SFMBT2: variants seen among roughly 807,000 people sequenced by gnomAD.
The protein encoded by SFMBT2 is scm-like with four MBT domains protein 2.
A neutral mutation model predicts 110.1 loss-of-function variants in SFMBT2; 38 were observed. The ratio of observed to expected loss-of-function variants is 0.35; its 90% CI spans 0.27 to 0.45. The LOEUF is 0.45. Among genes scored for constraint, SFMBT2 ranks in the 20% least tolerant of loss-of-function variants. SFMBT2 has a pLI of 1.00. For missense variants in SFMBT2, 1,011 were observed against 1,094.9 expected, an observed-to-expected ratio of 0.92 and a Z score of 1.08; for synonymous variants, 425 against 425.4, an observed-to-expected ratio of 1.00 and a Z score of 0.01.
intron 4 of SFMBT2, among the ~76,000 whole-genome samples, chr10:7,330,169 C>T (rs1464090596): frequency 6.6e-6 from 1 of 152,128 alleles, no homozygotes; most frequent in Non-Finnish European, 1.5e-5. Flanking sequence ...CCCCTTACAA[C>T]TGTGTAGCAG....
intron 7 of SFMBT2, among the ~76,000 whole-genome samples, chr10:7,274,153 C>G (rs757334004): frequency 1.6e-4 from 24 of 152,188 alleles, no homozygotes; most frequent in Non-Finnish European, 3.5e-4. Flanking sequence ...CATGCTGCAA[C>G]TTCAGTAGAA....
At chr10:7,325,908 T>A (rs1345098338) in intron 4 of SFMBT2, among the ~76,000 whole-genome samples, 1 of 152,248 alleles carries the variant, frequency 6.6e-6, no homozygotes, top group African/African-American at 2.4e-5. Flanking sequence ...ATGTAAATTA[T>A]ATCTCAATAA....
chr10:7,257,110 G>GGGGAA (rs1841036927), intron 7 of SFMBT2, among the ~76,000 whole-genome samples: 1 of 147,416 alleles, frequency 6.8e-6, no homozygotes, highest in African/African-American at 2.5e-5. Flanking sequence ...GGGGAGGGGA[G>GGGGAA]GGGAGGGGAG....
rs772713387 is a variant in SFMBT2, at chr10:7,161,978, G to GGA, written c.*1790_*1791dup. 45 of 152,320 alleles carry GGA rather than the reference G, an allele frequency of 3.0e-4. No individual in the cohort carries two copies. Among genetic ancestry groups the GGA allele is most frequent in the Non-Finnish European group, 5.3e-4 (36 of 68,080 alleles). 9.4% of individuals were successfully genotyped at this position (152,320 alleles called of 1,614,324 possible). On this transcript the variant is annotated 3_prime_UTR_variant, in exon 21 of 21. Transcript: ENST00000397167. ...AGCCTCTGCTTCCAGTGTCTGCTTG[G>GGA]GAACTGTGGGAGGGTTTGGTTTCCT... is the stretch of plus-strand genomic sequence containing the variant.
chr10:7,241,348 G>C, intron 9 of SFMBT2: 4 of 981,988 alleles, frequency 4.1e-6, no homozygotes, highest in Non-Finnish European at 4.8e-6. Flanking sequence ...GGTTTAAAAA[G>C]AGTTATAGTT....
At chr10:7,382,445 T>A (rs545854619) in intron 1 of SFMBT2, among the ~76,000 whole-genome samples, 1 of 152,234 alleles carries the variant, frequency 6.6e-6, no homozygotes, top group South Asian at 2.1e-4. Flanking sequence ...AAAAGACTAA[T>A]GAGTACATCT....
chr10:7,196,215 C>T (rs1242534428), intron 15 of SFMBT2, among the ~76,000 whole-genome samples: 7 of 152,132 alleles, frequency 4.6e-5, no homozygotes, highest in Non-Finnish European at 1.0e-4. Flanking sequence ...CACAAGCAGG[C>T]CCCATCCAAT....
intron 7 of SFMBT2, among the ~76,000 whole-genome samples, chr10:7,253,550 C>G (rs1840886043): frequency 6.6e-6 from 1 of 152,188 alleles, no homozygotes; most frequent in Admixed American, 6.5e-5. Context: ...AGTCAAGACA[C>G]TTCTTACTCA....
chr10:7,191,786 GGT>G (rs1313503824), intron 15 of SFMBT2, among the ~76,000 whole-genome samples: 1 of 152,074 alleles, frequency 6.6e-6, no homozygotes, highest in African/African-American at 2.4e-5. Flanking sequence ...GGCAAGAGTA[GGT>G]GCTCTATAGA....
At chr10:7,210,902 G>A (rs1839326081) in intron 11 of SFMBT2, among the ~76,000 whole-genome samples, 1 of 152,170 alleles carries the variant, frequency 6.6e-6, no homozygotes, top group African/African-American at 2.4e-5. Context: ...TGACAGAAAT[G>A]GGATTAGACG....
chr10:7,194,000 C>T (rs1179155068), intron 15 of SFMBT2, among the ~76,000 whole-genome samples: 1 of 152,122 alleles, frequency 6.6e-6, no homozygotes, highest in Admixed American at 6.5e-5. Flanking sequence ...AGCATGGACA[C>T]GTGACTTAGG....
intron 9 of SFMBT2, among the ~76,000 whole-genome samples, chr10:7,238,747 A>G (rs965498683): frequency 6.6e-6 from 1 of 152,226 alleles, no homozygotes; most frequent in Non-Finnish European, 1.5e-5. Context: ...ATTTTCTACA[A>G]AAGTTCCTGG....
intron 15 of SFMBT2, among the ~76,000 whole-genome samples, chr10:7,189,457 A>G (rs1283985106): frequency 6.6e-6 from 1 of 152,156 alleles, no homozygotes; most frequent in Admixed American, 6.5e-5. Context: ...GTTAACCTCA[A>G]TGAGTTTCTC....
intron 7 of SFMBT2, among the ~76,000 whole-genome samples, chr10:7,260,204 C>T (rs913287971): frequency 6.6e-6 from 1 of 152,184 alleles, no homozygotes; most frequent in African/African-American, 2.4e-5. Context: ...TGAAATGGTA[C>T]TGGTCCCCAA....
chr10:7,223,355 G>T (rs551051857), intron 10 of SFMBT2, among the ~76,000 whole-genome samples: 1 of 152,038 alleles, frequency 6.6e-6, no homozygotes, highest in Non-Finnish European at 1.5e-5. Flanking sequence ...GTCTCACGGT[G>T]GTGTTAGCTT....
At chr10:7,306,709 AT>A (rs1191005160) in intron 4 of SFMBT2, among the ~76,000 whole-genome samples, 2 of 150,112 alleles carry the variant, frequency 1.3e-5, no homozygotes, top group Non-Finnish European at 1.5e-5. Context: ...TAAAAAAAAA[AT>A]GATACAGAAG....
chr10:7,207,039 A>G (rs921379427), intron 11 of SFMBT2: 2 of 392,938 alleles, frequency 5.1e-6, no homozygotes, highest in Non-Finnish European at 6.9e-6. Context: ...CAGCCTCAGT[A>G]ACATGGCAAG....
intron 11 of SFMBT2, among the ~76,000 whole-genome samples, chr10:7,216,420 C>T (rs1839540123): frequency 6.6e-6 from 1 of 152,168 alleles, no homozygotes; most frequent in South Asian, 2.1e-4. Context: ...CTCATTCTCT[C>T]CTGCCGCCGC....
intron 4 of SFMBT2, among the ~76,000 whole-genome samples, chr10:7,315,726 A>T (rs573300043): frequency 6.6e-6 from 1 of 152,284 alleles, no homozygotes; most frequent in Admixed American, 6.5e-5. Flanking sequence ...ATCTGCTACT[A>T]ACCCAGATTA....
Sources: gnomAD v4.1 joint callset for allele counts (sites outside exome capture counted in the v4.1 genomes callset) on GRCh38, gnomAD v4.1.1 for gene constraint, MANE v1.5 for transcripts, NCBI Gene and HGNC (gene_info 2026-07-23, HGNC 2026-07-21) for gene names.